CADPS: variants seen among roughly 807,000 people sequenced by gnomAD.
CADPS encodes calcium-dependent secretion activator 1.
CADPS carries 57 observed loss-of-function variants against 167.3 expected under a neutral mutation model. The ratio of observed to expected loss-of-function variants is 0.34; its 90% CI spans 0.28 to 0.42. The LOEUF is 0.42. CADPS is among the 20% of genes least tolerant of loss of function. The pLI, the probability that CADPS is intolerant of heterozygous loss-of-function variation, is 1.00. For synonymous variants in CADPS, 676 were observed against 635.3 expected, an observed-to-expected ratio of 1.06 and a Z score of -0.96; for missense variants, 1,414 against 1,738.1, an observed-to-expected ratio of 0.81 and a Z score of 3.32.
At chr3:62,817,540 T>C (rs868812237) in intron 1 of CADPS, among the ~76,000 whole-genome samples, 34 of 152,324 alleles carry the variant, frequency 2.2e-4, no homozygotes, top group Middle Eastern at 3.4e-3. Flanking sequence ...TCTGATTTTT[T>C]ATTCCTTTAA....
Position 62,731,805 on chromosome 3 carries a change from C to CAAAAAAAAAAA in CADPS, c.888+21625_888+21635dup, listed in dbSNP as rs1212456893. Among the ~76,000 whole-genome samples, 98 of 27,062 alleles carry CAAAAAAAAAAA rather than the reference C, an allele frequency of 3.6e-3. 3 individuals carry two copies. The highest frequency in any genetic ancestry group is 4.9e-3 in the South Asian group (3 of 608). The allele number at this position is 27,062 out of a possible 152,430, so 17.8% of individuals were successfully genotyped here. A position where few individuals can be genotyped will look rare whatever the true frequency, so the allele number is the denominator to read the frequency against. On this transcript the variant is annotated intron_variant, in intron 3 of 29. Transcript: ENST00000383710. ...CCTGGTGAAAGAAACTGATCATATG[C>CAAAAAAAAAAA]AAAAAAAAAAAAAAAAAAAAAAAAA...
chr3:62,646,237 T>C (rs1217685762), intron 5 of CADPS, among the ~76,000 whole-genome samples: 2 of 150,476 alleles, frequency 1.3e-5, no homozygotes, highest in African/African-American at 4.9e-5. Context: ...TGATCTCGGC[T>C]CACTGCAACC....
intron 6 of CADPS, among the ~76,000 whole-genome samples, chr3:62,643,512 A>G (rs2067877389): frequency 6.6e-6 from 1 of 152,250 alleles, no homozygotes; most frequent in African/African-American, 2.4e-5. Context: ...ATGAGTAAGT[A>G]TGTGTATAAA....
At chr3:62,590,830 T>C (rs1042783525) in intron 7 of CADPS, among the ~76,000 whole-genome samples, 2 of 151,922 alleles carry the variant, frequency 1.3e-5, no homozygotes, top group African/African-American at 4.8e-5. Flanking sequence ...CAGAATGAAA[T>C]AAAATTTATA....
intron 3 of CADPS, among the ~76,000 whole-genome samples, chr3:62,692,590 T>C (rs74554644): frequency 0.064 from 9,762 of 152,118 alleles, 371 homozygotes; most frequent in South Asian, 0.093. Context: ...ATCACAAACA[T>C]AAATCTGCCG....
intron 17 of CADPS, among the ~76,000 whole-genome samples, chr3:62,506,124 T>G (rs541382315): frequency 1.3e-5 from 2 of 152,292 alleles, no homozygotes; most frequent in African/African-American, 4.8e-5. Flanking sequence ...GCGCGGTGGC[T>G]CACACCTGTA....
intron 4 of CADPS, among the ~76,000 whole-genome samples, chr3:62,654,973 TG>T (rs1315609029): frequency 6.6e-6 from 1 of 152,160 alleles, no homozygotes; most frequent in African/African-American, 2.4e-5. Flanking sequence ...TCCACAGTCC[TG>T]AGATTTTTTT....
chr3:62,613,350 C>A (rs1257639331), intron 6 of CADPS, among the ~76,000 whole-genome samples: 1 of 152,012 alleles, frequency 6.6e-6, no homozygotes, highest in Non-Finnish European at 1.5e-5. Context: ...GGTGGTAATA[C>A]CTAAGCATTG....
intron 3 of CADPS, among the ~76,000 whole-genome samples, chr3:62,742,016 C>T (rs2080369351): frequency 6.6e-6 from 1 of 152,052 alleles, no homozygotes; most frequent in South Asian, 2.1e-4. Flanking sequence ...GAAAGAATTC[C>T]CATTCACAAT....
intron 3 of CADPS, among the ~76,000 whole-genome samples, chr3:62,670,209 T>G (rs1051578724): frequency 6.6e-6 from 1 of 152,160 alleles, no homozygotes; most frequent in African/African-American, 2.4e-5. Context: ...GTTCAACACA[T>G]TGTAGGTGTA....
At position 62,438,053 on chromosome 3, in the gene CADPS, T is replaced by G; in HGVS notation, c.3777+51A>C. On this transcript the variant is annotated intron_variant, in intron 28 of 29. Transcript: ENST00000383710. The surrounding 1 kb of genome is among the most constrained non-coding windows in gnomAD (Gnocchi z 4.7). The stretch of plus-strand genomic sequence containing the variant: ...TCCTCCTGTCTCTTATTTTGTCACA[T>G]TTTGGAGGGTCTCCTCCTTGGTTTT... The G allele has an allele frequency of 1.6e-6, 2 of 1,221,658 alleles. No homozygotes were observed. Among genetic ancestry groups the G allele is most frequent in the Non-Finnish European group, 2.4e-6 (2 of 831,194 alleles). The allele number at this position is 1,221,658 out of a possible 1,614,324, so 75.7% of individuals were successfully genotyped here.
intron 6 of CADPS, among the ~76,000 whole-genome samples, chr3:62,600,396 G>A (rs1358138640): frequency 2.0e-5 from 3 of 152,126 alleles, no homozygotes; most frequent in African/African-American, 7.2e-5. Flanking sequence ...AAGCACATAA[G>A]CAGAGACTGT....
At chr3:62,584,258 C>T (rs568820275) in intron 8 of CADPS, among the ~76,000 whole-genome samples, 14 of 152,196 alleles carry the variant, frequency 9.2e-5, no homozygotes, top group South Asian at 2.1e-4. Flanking sequence ...CCTCCCGTCT[C>T]GGCCTCCCAA....
At chr3:62,486,827 T>C (rs2062895048) in intron 21 of CADPS, among the ~76,000 whole-genome samples, 1 of 152,178 alleles carries the variant, frequency 6.6e-6, no homozygotes, top group Non-Finnish European at 1.5e-5. Context: ...GTGCTTGGAG[T>C]AGCAAGCAGC....
At chr3:62,870,999 G>T (rs908210145) in intron 1 of CADPS, among the ~76,000 whole-genome samples, 3 of 152,076 alleles carry the variant, frequency 2.0e-5, no homozygotes, top group Non-Finnish European at 4.4e-5. Context: ...GTTACATTCT[G>T]GTGGGGAGAT....
rs780430297 is a variant in CADPS at position 62,513,599 on chromosome 3, G to C, written c.2582-831C>G. The stretch of plus-strand genomic sequence containing the variant: ...TTTCTTGAAATAATGAAAACAGAAA[G>C]AGTGAAGACAGCATGGTGAGGAGGT... On this transcript the variant is annotated intron_variant, in intron 16 of 29. Transcript: ENST00000383710. The C allele has an allele frequency of 3.1e-6, 4 of 1,287,434 alleles. No homozygotes were observed. In the Middle Eastern group the frequency reaches 7.4e-4, roughly 237 times the overall value. The allele number at this position is 1,287,434 out of a possible 1,614,324, so 79.8% of individuals were successfully genotyped here.
chr3:62,823,210 C>T (rs978803459), intron 1 of CADPS, among the ~76,000 whole-genome samples: 4 of 152,148 alleles, frequency 2.6e-5, no homozygotes, highest in African/African-American at 9.7e-5. Flanking sequence ...CTTAAACCAA[C>T]AGGAATACTT....
intron 6 of CADPS, among the ~76,000 whole-genome samples, chr3:62,620,734 C>A (rs1269071390): frequency 2.0e-5 from 3 of 152,136 alleles, no homozygotes; most frequent in African/African-American, 7.2e-5. Flanking sequence ...GTGGAACTGG[C>A]ATTCAGCAAA....
intron 5 of CADPS, among the ~76,000 whole-genome samples, chr3:62,648,691 C>CAAAAAAAAA (rs55665003): frequency 0.01 from 548 of 54,520 alleles, 59 homozygotes; most frequent in African/African-American, 0.032. Context: ...GACGTTGTGT[C>CAAAAAAAAA]AAAAAAAAAA....
Sources: gnomAD v4.1 joint callset for allele counts (sites outside exome capture counted in the v4.1 genomes callset) on GRCh38, gnomAD v4.1.1 for gene constraint, Gnocchi (gnomAD v3.1) non-coding constraint, MANE v1.5 for transcripts, NCBI Gene and HGNC (gene_info 2026-07-23, HGNC 2026-07-21) for gene names.